The following SLC22A3 variants were observed in gnomAD, a reference collection of about 807,000 sequenced individuals.
The protein encoded by SLC22A3 is solute carrier family 22 member 3, also known as EMT organic cation transporter 3.
A neutral mutation model predicts 59.1 loss-of-function variants in SLC22A3; 51 were observed. The ratio of observed to expected loss-of-function variants is 0.86; its 90% CI spans 0.69 to 1.09. The LOEUF is 1.09. SLC22A3 is among the 50% of genes least tolerant of loss of function. The pLI, the probability that SLC22A3 is intolerant of heterozygous loss-of-function variation, is 0.00. For missense variants in SLC22A3, 711 were observed against 726.3 expected, an observed-to-expected ratio of 0.98 and a Z score of 0.24; for synonymous variants, 325 against 292.0, an observed-to-expected ratio of 1.11 and a Z score of -1.15.
At chr6:160,434,276 C>T (rs1262525475) in intron 5 of SLC22A3, among the ~76,000 whole-genome samples, 1 of 152,272 alleles carries the variant, frequency 6.6e-6, no homozygotes, top group East Asian at 1.9e-4. Flanking sequence ...AGGTCAAGTG[C>T]ACAGTGTCTT....
intron 1 of SLC22A3, among the ~76,000 whole-genome samples, chr6:160,391,621 A>G (rs546072882): frequency 3.3e-4 from 50 of 152,302 alleles, no homozygotes; most frequent in African/African-American, 1.2e-3. Context: ...TTGCCAAGAG[A>G]ACCCAGAACA....
Position 160,381,255 on chromosome 6 carries a change from G to T in SLC22A3, c.430-16724G>T, listed in dbSNP as rs187891544. Reference sequence around the variant, plus strand: ...TTTAGTAGTATCTTATAAAGACAGTGCCTGAAGGTCTTTTATCTGTACATT... The same window carrying T: ...TTTAGTAGTATCTTATAAAGACAGTTCCTGAAGGTCTTTTATCTGTACATT... On this transcript the variant is annotated intron_variant, in intron 1 of 10. Coordinates refer to ENST00000275300, the MANE Select transcript of SLC22A3 (RefSeq NM_021977.4). 2.2e-4 allele frequency among the ~76,000 whole-genome samples: 34 copies of T among 152,302 alleles called. 1 individual carries two copies. The highest frequency in any genetic ancestry group is 3.4e-3 in the Middle Eastern group (1 of 294).
At chr6:160,433,551 G>A (rs28730897) in intron 5 of SLC22A3, among the ~76,000 whole-genome samples, 4 of 58,370 alleles carry the variant, frequency 6.9e-5, no homozygotes, top group Admixed American at 1.5e-4. Flanking sequence ...TACTACTACT[G>A]CTACTAATAA....
chr6:160,363,501 G>C (rs1443053556), intron 1 of SLC22A3, among the ~76,000 whole-genome samples: 2 of 152,156 alleles, frequency 1.3e-5, no homozygotes, highest in Non-Finnish European at 2.9e-5. Context: ...CCTGGCAGGC[G>C]TGTGCCCAGC....
intron 1 of SLC22A3, among the ~76,000 whole-genome samples, chr6:160,372,079 A>G (rs1785420372): frequency 6.6e-6 from 1 of 152,140 alleles, no homozygotes; most frequent in South Asian, 2.1e-4. Flanking sequence ...GACAGTGTAA[A>G]GTCTCCCACT....
At chr6:160,417,485 A>G (rs1007306557) in intron 5 of SLC22A3, among the ~76,000 whole-genome samples, 37 of 152,202 alleles carry the variant, frequency 2.4e-4, no homozygotes, top group Admixed American at 2.4e-3. Context: ...AGCTAATGCA[A>G]TTGGTCATAT....
In SLC22A3 at chr6:160,420,700, G is replaced by A. The variant is rs917413009; in HGVS notation, c.975+9854G>A. Among the ~76,000 whole-genome samples the A allele has an allele frequency of 3.4e-4, 51 of 152,208 alleles. 2 individuals are homozygous for A. Among genetic ancestry groups the A allele is most frequent in the Non-Finnish European group, 1.5e-5 (1 of 68,030 alleles). Reference sequence around the variant, plus strand: ...CAAAAAAATGTCTCAGGCAAACTGGGTAGAGCTGTTCCCTCCATGACTGGG... The same window carrying A: ...CAAAAAAATGTCTCAGGCAAACTGGATAGAGCTGTTCCCTCCATGACTGGG... On this transcript the variant is annotated intron_variant, in intron 5 of 10. Transcript: ENST00000275300.
chr6:160,422,163 A>G (rs1787765433), intron 5 of SLC22A3, among the ~76,000 whole-genome samples: 1 of 152,178 alleles, frequency 6.6e-6, no homozygotes, highest in Non-Finnish European at 1.5e-5. Context: ...TAATCCTAAG[A>G]AGAGAGATGT....
At chr6:160,430,664 C>T (rs551489080) in intron 5 of SLC22A3, among the ~76,000 whole-genome samples, 23 of 152,212 alleles carry the variant, frequency 1.5e-4, no homozygotes, top group African/African-American at 5.5e-4. Context: ...GGAAACTAAC[C>T]TCTGCAGTTT....
At chr6:160,373,213 T>G (rs1159629635) in intron 1 of SLC22A3, among the ~76,000 whole-genome samples, 1 of 152,112 alleles carries the variant, frequency 6.6e-6, no homozygotes, top group African/African-American at 2.4e-5. Flanking sequence ...TTTGTTGATG[T>G]TGATGCTATT....
intron 1 of SLC22A3, among the ~76,000 whole-genome samples, chr6:160,358,624 A>G (rs1784917518): frequency 1.3e-5 from 2 of 152,218 alleles, no homozygotes; most frequent in South Asian, 4.1e-4. Flanking sequence ...CAGTTGTGAT[A>G]TAGAGTGAAC....
intron 7 of SLC22A3, among the ~76,000 whole-genome samples, chr6:160,441,056 C>T (rs750637312): frequency 3.3e-5 from 5 of 151,976 alleles, no homozygotes; most frequent in Admixed American, 6.6e-5. Context: ...TTGAATTTGT[C>T]GGTGGGACTC....
At position 160,351,715 on chromosome 6, in the gene SLC22A3, A is replaced by G. The variant is rs1356041538; in HGVS notation, c.429+2867A>G. ...AAAGGGGTGAATTGGGAGAGTTTAC[A>G]AAGTGGGCGGGATGACCAGACTCCA... On this transcript the variant is annotated intron_variant, in intron 1 of 10. Transcript: ENST00000275300. Among the ~76,000 whole-genome samples, 4 of 152,222 alleles carry G rather than the reference A, an allele frequency of 2.6e-5. No individual in the cohort carries two copies. In the South Asian group the frequency reaches 6.2e-4, roughly 24 times the overall value.
chr6:160,385,571 C>A (rs1270689501), intron 1 of SLC22A3, among the ~76,000 whole-genome samples: 1 of 152,234 alleles, frequency 6.6e-6, no homozygotes, highest in Non-Finnish European at 1.5e-5. Flanking sequence ...CCTCAACACA[C>A]ACCTGCACCC....
At chr6:160,394,162 CA>C (rs1480782267) in intron 1 of SLC22A3, among the ~76,000 whole-genome samples, 2 of 152,180 alleles carry the variant, frequency 1.3e-5, no homozygotes, top group African/African-American at 4.8e-5. Context: ...GGAGATGCCC[CA>C]GTTGTTCTAC....
intron 5 of SLC22A3, among the ~76,000 whole-genome samples, chr6:160,424,264 T>A (rs1370483243): frequency 6.6e-6 from 1 of 151,918 alleles, no homozygotes; most frequent in Non-Finnish European, 1.5e-5. Context: ...CATCTTGGAT[T>A]AAAAAAAATG....
intron 5 of SLC22A3, among the ~76,000 whole-genome samples, chr6:160,424,264 TA>T (rs796594445): frequency 1.2e-3 from 180 of 152,034 alleles, no homozygotes; most frequent in Middle Eastern, 3.4e-3. Flanking sequence ...CATCTTGGAT[TA>T]AAAAAAATGT....
At chr6:160,403,777 TCCA>T (rs1786888155) in intron 2 of SLC22A3, among the ~76,000 whole-genome samples, 1 of 42,482 alleles carries the variant, frequency 2.4e-5, no homozygotes, top group Non-Finnish European at 3.7e-5. Flanking sequence ...ATTAATGTCA[TCCA>T]TCAATCACAT....
Position 160,421,591 on chromosome 6 carries a change from G to A in SLC22A3, c.975+10745G>A, listed in dbSNP as rs146977175. 7.1e-3 allele frequency among the ~76,000 whole-genome samples: 1,088 copies of A among 152,202 alleles called. 20 individuals carry two copies. The highest frequency in any genetic ancestry group is 0.025 in the African/African-American group (1,047 of 41,524). On this transcript the variant is annotated intron_variant, in intron 5 of 10. Transcript: ENST00000275300. ...TTCTTCCCTGCCTACCCTGAGCCCCGGCAGTATTACAAACAAAAGTAAAAA... is the reference window on the plus strand; with the variant it reads ...TTCTTCCCTGCCTACCCTGAGCCCCAGCAGTATTACAAACAAAAGTAAAAA...
Sources: allele counts gnomAD v4.1 joint callset (sites outside exome capture counted in the v4.1 genomes callset), GRCh38; gene constraint gnomAD v4.1.1; transcripts MANE v1.5; gene names NCBI Gene and HGNC (gene_info 2026-07-23, HGNC 2026-07-21).